USP6: variants seen among roughly 807,000 people sequenced by gnomAD.
USP6 encodes ubiquitin specific peptidase 6.
In USP6, 128 loss-of-function variants were observed where a neutral mutation model predicts 175.7. That is an observed-to-expected ratio of 0.73 (90% confidence interval 0.63 to 0.84). The LOEUF (loss-of-function observed/expected upper bound fraction) is 0.84. Ranked by LOEUF, USP6 falls within the 40% of genes least tolerant of loss-of-function variation. The pLI, the probability that USP6 is intolerant of heterozygous loss-of-function variation, is 0.00. For missense variants in USP6, 1,498 were observed against 1,760.3 expected, an observed-to-expected ratio of 0.85 and a Z score of 2.67; for synonymous variants, 562 against 630.6, an observed-to-expected ratio of 0.89 and a Z score of 1.63.
In USP6 at chr17:5,132,863, T is replaced by C. The variant is rs1356664933; in HGVS notation, c.196-47T>C. The stretch of plus-strand genomic sequence containing the variant: ...AAGACTCAGCATCCATGGGCGGCTC[T>C]GGGAAGCCTGGCAGCTCCACTAACT... On this transcript the variant is annotated intron_variant, in intron 12 of 37. Transcript: ENST00000574788. This position sits in a 1 kb window ranked among gnomAD's most constrained non-coding sequence, Gnocchi z 4.7. 1 of 1,610,216 alleles carries C rather than the reference T, an allele frequency of 6.2e-7. No homozygotes were observed. The highest frequency in any genetic ancestry group is 8.5e-7 in the Non-Finnish European group (1 of 1,176,638).
rs374751662 is a variant in USP6 at position 5,139,369 on chromosome 17, G to A, written c.1193G>A (p.Arg398Gln). The change falls in exon 22 of 38, where the codon CGG (arginine) becomes CAG (glutamine). Residue 398 changes from arginine to glutamine, a missense_variant. By Grantham distance (43) the Arg-to-Gln change is conservative. This residue lies in a region of USP6 where 1,217 missense variants were observed against 1,500.8 expected (regional missense o/e 0.81). Coordinates refer to ENST00000574788, the MANE Select transcript of USP6 (RefSeq NM_001304284.2). ...CCAGGCCCACCAGCCCAGTTCCAGC[G>A]GCCCATTTGCTCAGCTTCCCCGCCA... is the stretch of plus-strand genomic sequence containing the variant. The part of the protein sequence containing the change: ...APPGPPAQFQ[R>Q]PICSASPPWA... The A allele has an allele frequency of 1.7e-5, 28 of 1,613,132 alleles. No individual in the cohort carries two copies. The highest frequency in any genetic ancestry group is 1.1e-4 in the East Asian group (5 of 44,858).
Position 5,135,723 on chromosome 17 carries a change from C to T in USP6, c.544-85C>T, listed in dbSNP as rs527919857. 4 of 1,596,494 alleles carry T rather than the reference C, an allele frequency of 2.5e-6. No homozygotes were observed. The African/African-American group carries it at 4.0e-5, about 16-fold the overall frequency. On this transcript the variant is annotated intron_variant, in intron 16 of 37. Transcript: ENST00000574788. ...TCAGAGGAAGCCTCCCCAGTCACCT[C>T]TGCCCTCTCCAATGACATGAGTCCT... is the stretch of plus-strand genomic sequence containing the variant.
At chr17:5,141,391 T>G (rs2073441914) in intron 22 of USP6, 34 bp from the exon 23 acceptor site, 1 of 1,563,358 alleles carries the variant, frequency 6.4e-7, no homozygotes, top group African/African-American at 1.4e-5. Flanking sequence ...ATTAGACAGA[T>G]AAGAAATTAA....
chr17:5,146,851 A>G (rs1049186888), intron 28 of USP6, among the ~76,000 whole-genome samples: 4 of 152,202 alleles, frequency 2.6e-5, no homozygotes, highest in African/African-American at 9.6e-5. Flanking sequence ...GAAGTCAGTC[A>G]TGTACAACAC....
rs765417293 is a variant in USP6 at position 5,136,628 on chromosome 17, G to C, written c.665-12G>C. On this transcript the variant is annotated splice_polypyrimidine_tract_variant and intron_variant, in intron 17 of 37. Transcript: ENST00000574788. The stretch of plus-strand genomic sequence containing the variant: ...AAGGCTCTGATTTCATGATGGGCTG[G>C]GGGCTTCTCAGGATTCCACAGCCCA... 1 of 1,611,244 alleles carries C rather than the reference G, an allele frequency of 6.2e-7. No individual in the cohort carries two copies.
chr17:5,173,160 C>T lies in USP6; in HGVS notation c.*182C>T. 1.2e-6 allele frequency: 1 copy of T among 837,004 alleles called. No homozygotes were observed. Among genetic ancestry groups the T allele is most frequent in the Non-Finnish European group, 1.8e-6 (1 of 560,308 alleles). The allele number at this position is 837,004 out of a possible 1,614,324, so 51.8% of individuals were successfully genotyped here. ...AACAATTGTATTTTGAAGTCTCATACAAGCTGTCTGATAGAGAACTTTCAG... is the reference window on the plus strand; with the variant it reads ...AACAATTGTATTTTGAAGTCTCATATAAGCTGTCTGATAGAGAACTTTCAG... On this transcript the variant is annotated 3_prime_UTR_variant, in exon 38 of 38. Transcript: ENST00000574788.
chr17:5,161,633 G>T lies in USP6; in HGVS notation c.2915+19G>T, dbSNP rs765084366. 8.1e-6 allele frequency: 13 copies of T among 1,610,432 alleles called. No homozygotes were observed. In the Admixed American group the frequency reaches 1.8e-4, roughly 23 times the overall value. On this transcript the variant is annotated intron_variant, in intron 32 of 37. Transcript: ENST00000574788. ...AGTATAGGTAAAGTGACCTGCAAAA[G>T]AATTACTTTAGTAGAATTTCAGCTT...
chr17:5,133,960 G>A lies in USP6; in HGVS notation c.458G>A (p.Arg153Gln), dbSNP rs138849740. Residue 153 changes from arginine (R) to glutamine (Q), a missense_variant, in exon 15 of 38, where the codon CGG becomes CAG. Arg to Gln is a conservative substitution (Grantham distance 43). Transcript: ENST00000574788. ...GACCTGGACGTGAGGACGACTCTCC[G>A]GAACCATGTCTTCTTTAGGGATCGA... is the stretch of plus-strand genomic sequence containing the variant. ...HIDLDVRTTL[R>Q]NHVFFRDRYG... 103 of 1,614,112 alleles carry A rather than the reference G, an allele frequency of 6.4e-5. No homozygotes were observed. In the African/African-American group the frequency reaches 1.0e-3, roughly 16 times the overall value.
At position 5,130,686 on chromosome 17, in the gene USP6, T is replaced by G. The variant is rs957335315; in HGVS notation, c.155+2T>G. The G allele has an allele frequency of 4.3e-6, 7 of 1,613,800 alleles. No homozygotes were observed. In the African/African-American group the frequency reaches 8.0e-5, roughly 18 times the overall value. On this transcript the variant is annotated splice_donor_variant, in intron 11 of 37. Coordinates refer to ENST00000574788, the MANE Select transcript of USP6 (RefSeq NM_001304284.2). LOFTEE classifies it high-confidence loss of function. Reference sequence around the variant, plus strand: ...CATTGATCGTTTTGGCATTTTGCAGTGAGTCATCCTCTATGCTCCCCTCAC... The same window carrying G: ...CATTGATCGTTTTGGCATTTTGCAGGGAGTCATCCTCTATGCTCCCCTCAC...
chr17:5,173,020 A>ATGAC lies in USP6; in HGVS notation c.*44_*47dup. The ATGAC allele has an allele frequency of 6.2e-7, 1 of 1,602,808 alleles. No homozygotes were observed. Among genetic ancestry groups the ATGAC allele is most frequent in the Non-Finnish European group, 8.5e-7 (1 of 1,171,798 alleles). Reference sequence around the variant, plus strand: ...GCTAGACAGCTTGGTGGCGAGGGAGATGACTCCTTGTAGCTGATACTTGGC... The same window carrying ATGAC: ...GCTAGACAGCTTGGTGGCGAGGGAGATGACTGACTCCTTGTAGCTGATACTTGGC... On this transcript the variant is annotated 3_prime_UTR_variant, in exon 38 of 38. Transcript: ENST00000574788.
At chr17:5,131,237 A>G (rs1272338960) in intron 11 of USP6, among the ~76,000 whole-genome samples, 1 of 146,064 alleles carries the variant, frequency 6.8e-6, no homozygotes, top group Non-Finnish European at 1.5e-5. Context: ...CGCTCTGGGC[A>G]TCTCACAGTG....
At chr17:5,137,624 G>T in intron 19 of USP6, 27 bp from the exon 20 acceptor site, 1 of 1,598,344 alleles carries the variant, frequency 6.3e-7, no homozygotes, top group Non-Finnish European at 8.5e-7. Context: ...GAAGGGCCAG[G>T]TTCTCTCATA....
chr17:5,147,972 A>G (rs1426704872), intron 29 of USP6, among the ~76,000 whole-genome samples: 1 of 152,094 alleles, frequency 6.6e-6, no homozygotes, highest in Non-Finnish European at 1.5e-5. Context: ...CCTCTGCCTT[A>G]TGGGCTGAAG....
chr17:5,130,760 C>T (rs1244823880), intron 11 of USP6, 76 bp downstream of exon 11: 10 of 1,558,096 alleles, frequency 6.4e-6, no homozygotes, highest in Admixed American at 1.7e-5. Flanking sequence ...TTTAGAAAGG[C>T]CTTTCTGATG....
In USP6 at chr17:5,162,864, G is replaced by T. The variant is rs771137511; in HGVS notation, c.2916-20G>T. The T allele has an allele frequency of 6.3e-7, 1 of 1,586,692 alleles. No homozygotes were observed. Among genetic ancestry groups the T allele is most frequent in the South Asian group, 1.2e-5 (1 of 84,072 alleles). ...CTTCATAATTATTTCTTCCTCTGTG[G>T]ATCTTTCCCCCCTTTTTAGATTTTG... On this transcript the variant is annotated intron_variant, in intron 32 of 37. Coordinates refer to ENST00000574788, the MANE Select transcript of USP6 (RefSeq NM_001304284.2).
Position 5,132,952 on chromosome 17 carries a change from A to C in USP6, c.238A>C (p.Met80Leu), listed in dbSNP as rs1429017247. 3 of 1,614,182 alleles carry C rather than the reference A, an allele frequency of 1.9e-6. No individual in the cohort carries two copies. The South Asian group carries it at 3.3e-5, about 18-fold the overall frequency. ...EMTRTSKWME[M>L]LGEWETYKHS... ...GACACGAACGAGCAAGTGGATGGAA[A>C]TGCTGGGAGAATGGGAGACATATAA... is the stretch of plus-strand genomic sequence containing the variant. The change falls in exon 13 of 38, where the codon ATG becomes CTG. Residue 80 changes from methionine (M) to leucine (L), a missense_variant. Coordinates refer to ENST00000574788, the MANE Select transcript of USP6 (RefSeq NM_001304284.2). This position sits in a 1 kb window ranked among gnomAD's most constrained non-coding sequence, Gnocchi z 4.7.
intron 17 of USP6, among the ~76,000 whole-genome samples, chr17:5,136,188 G>C (rs2073247990): frequency 6.6e-6 from 1 of 152,168 alleles, no homozygotes; most frequent in East Asian, 1.9e-4. Context: ...ACATCCTCCG[G>C]CTCTGATTCT....
intron 5 of USP6, among the ~76,000 whole-genome samples, 137 bp from the exon 6 acceptor site, chr17:5,125,662 GCACACACACGCACATGCACACA>G (rs1341807262): frequency 1.6e-5 from 2 of 129,012 alleles, no homozygotes; most frequent in African/African-American, 6.2e-5. Flanking sequence ...ACACAAACAC[GCACACACACGCACATGCACACA>G]CACACACACA....
At chr17:5,130,145 C>T (rs1408131606) in intron 9 of USP6, 56 bp downstream of exon 9, 1 of 560,516 alleles carries the variant, frequency 1.8e-6, no homozygotes, top group Non-Finnish European at 3.2e-6. Context: ...CCAGGTCCCA[C>T]TCTTCTCGAG....
Sources: allele counts gnomAD v4.1 joint callset (sites outside exome capture counted in the v4.1 genomes callset), GRCh38; gene constraint gnomAD v4.1.1; regional missense constraint gnomAD v4.1.1; non-coding constraint Gnocchi (gnomAD v3.1); transcripts MANE v1.5; gene names NCBI Gene and HGNC (gene_info 2026-07-23, HGNC 2026-07-21).